SLC25A20: variants seen among roughly 807,000 people sequenced by gnomAD.
The protein encoded by SLC25A20 is solute carrier family 25 member 20, also known as mitochondrial carnitine/acylcarnitine carrier protein.
SLC25A20 carries 29 observed loss-of-function variants against 39.7 expected under a neutral mutation model. That is an observed-to-expected ratio of 0.73 (90% CI 0.54 to 1.00). The LOEUF (loss-of-function observed/expected upper bound fraction) is 1.00, where lower values mean the gene tolerates loss of function less well. Ranked by LOEUF, SLC25A20 falls within the 50% of genes least tolerant of loss-of-function variation. The probability of loss-of-function intolerance (pLI) is 0.00; values close to 1 mark genes in which losing one functional copy is unlikely to be tolerated. For synonymous variants in SLC25A20, 103 were observed against 142.2 expected (o/e 0.72, Z 1.96); for missense variants, 333 against 379.9 (o/e 0.88, Z 1.03).
In SLC25A20 at chr3:48,897,363, A is replaced by AT. The variant is rs1223040615; in HGVS notation, c.105+1326dup. Among the ~76,000 whole-genome samples, 171 of 108,144 alleles carry AT rather than the reference A, an allele frequency of 1.6e-3. 1 individual carries two copies. Among genetic ancestry groups the AT allele is most frequent in the Middle Eastern group, 4.7e-3 (1 of 212 alleles). The allele number at this position is 108,144 out of a possible 152,430, so 70.9% of individuals were successfully genotyped here. A position where few individuals can be genotyped will look rare whatever the true frequency, so the allele number is the denominator to read the frequency against. ...TGTGTGTGAATATATATATATATAT[A>AT]TATATTTTTTTTTTTTTTTTTTTTA... On this transcript the variant is annotated intron_variant, in intron 1 of 8. Transcript: ENST00000319017.
At chr3:48,866,751 C>G (rs1485219170) in intron 4 of SLC25A20, among the ~76,000 whole-genome samples, 1 of 151,012 alleles carries the variant, frequency 6.6e-6, no homozygotes, top group Non-Finnish European at 1.5e-5. Context: ...CCACCTCAGA[C>G]TCCTGAATAG....
chr3:48,865,180 T>C (rs1329995179), intron 4 of SLC25A20, among the ~76,000 whole-genome samples: 2 of 151,120 alleles, frequency 1.3e-5, no homozygotes, highest in South Asian at 2.1e-4. Context: ...CAGGCTGGGG[T>C]GCAGTAGTGC....
In SLC25A20 at chr3:48,857,678, C is replaced by A; in HGVS notation, c.*32G>T. 6.2e-7 allele frequency: 1 copy of A among 1,606,284 alleles called. No homozygotes were observed. Among genetic ancestry groups the A allele is most frequent in the Non-Finnish European group, 8.5e-7 (1 of 1,173,534 alleles). ...CCTTCTCCTCAACGACAGCTTCCAGCATCCAGAAGTGAACTTGAGCAGCCT... is the reference window on the plus strand; with the variant it reads ...CCTTCTCCTCAACGACAGCTTCCAGAATCCAGAAGTGAACTTGAGCAGCCT... On this transcript the variant is annotated 3_prime_UTR_variant, in exon 9 of 9. Transcript: ENST00000319017.
At chr3:48,867,316 G>T (rs2083678655) in intron 4 of SLC25A20, among the ~76,000 whole-genome samples, 1 of 151,140 alleles carries the variant, frequency 6.6e-6, no homozygotes, top group Non-Finnish European at 1.5e-5. Context: ...CGAGATCTCG[G>T]TTCACCACAA....
chr3:48,895,797 T>C (rs761901045), intron 1 of SLC25A20: 5 of 456,426 alleles, frequency 1.1e-5, no homozygotes, highest in South Asian at 3.1e-5. Context: ...AGATCTCCCA[T>C]AGTCAGGCAT....
chr3:48,890,454 G>A (rs567427743), intron 2 of SLC25A20, among the ~76,000 whole-genome samples: 15 of 152,000 alleles, frequency 9.9e-5, no homozygotes, highest in African/African-American at 3.4e-4. Context: ...CTCCCAAAGT[G>A]CTGGGATTAC....
intron 4 of SLC25A20, among the ~76,000 whole-genome samples, chr3:48,876,983 C>T (rs892042604): frequency 1.3e-5 from 2 of 151,966 alleles, no homozygotes; most frequent in African/African-American, 4.8e-5. Context: ...GTAGTCCCAC[C>T]TACTAGGGAG....
At chr3:48,867,721 C>T (rs952226347) in intron 4 of SLC25A20, among the ~76,000 whole-genome samples, 1 of 150,606 alleles carries the variant, frequency 6.6e-6, no homozygotes. Flanking sequence ...ATCCAGTGCA[C>T]AAAGAGGCCT....
intron 4 of SLC25A20, among the ~76,000 whole-genome samples, chr3:48,873,393 G>A (rs1488481967): frequency 2.0e-5 from 3 of 151,444 alleles, no homozygotes; most frequent in Non-Finnish European, 2.9e-5. Flanking sequence ...GGGGGATCAC[G>A]AGGTCAGGAG....
chr3:48,892,382 C>T (rs2083883792), intron 1 of SLC25A20, among the ~76,000 whole-genome samples: 2 of 152,052 alleles, frequency 1.3e-5, no homozygotes, highest in Admixed American at 6.6e-5. Context: ...CATTTGTGTA[C>T]AAGTTTTTTG....
intron 7 of SLC25A20, 33 bp from the exon 8 acceptor site, chr3:48,858,664 G>A (rs772678441): frequency 6.2e-7 from 1 of 1,614,006 alleles, no homozygotes; most frequent in South Asian, 1.1e-5. Flanking sequence ...TAAGGCTTCA[G>A]GAAGGAGAAA....
intron 4 of SLC25A20, among the ~76,000 whole-genome samples, chr3:48,870,607 G>A (rs1195288399): frequency 2.4e-5 from 3 of 124,326 alleles, no homozygotes; most frequent in African/African-American, 9.3e-5. Context: ...GTCATCTCCT[G>A]GGTTCAAGCT....
In SLC25A20 at chr3:48,879,440, T is replaced by C. The variant is rs201608596; in HGVS notation, c.335A>G (p.Gln112Arg). The part of the protein sequence containing the change: ...KHPEDVLSYP[Q>R]LFAAGMLSGV... ...AGATAACATCCCAGCTGCAAAAAGC[T>C]GGGGATAGCTGCATTGAAAACAAAA... The change falls in exon 4 of 9, where the codon CAG becomes CGG. Residue 112 changes from glutamine (Q) to arginine (R), a missense_variant. Physicochemically the swap from Gln to Arg is conservative, Grantham distance 43. Transcript: ENST00000319017. The C allele has an allele frequency of 4.3e-6, 7 of 1,613,236 alleles. No individual in the cohort carries two copies. The highest frequency in any genetic ancestry group is 5.1e-6 in the Non-Finnish European group (6 of 1,179,402).
At chr3:48,863,007 C>T (rs1452699816) in intron 4 of SLC25A20, among the ~76,000 whole-genome samples, 1 of 152,156 alleles carries the variant, frequency 6.6e-6, no homozygotes, top group Non-Finnish European at 1.5e-5. Flanking sequence ...GCCTGGTCAA[C>T]ACGGTGAAAC....
In SLC25A20 at chr3:48,857,765, A is replaced by C. The variant is rs1390475606; in HGVS notation, c.851T>G (p.Phe284Cys). Residue 284 changes from phenylalanine to cysteine, a missense_variant, in exon 9 of 9, where the codon TTC (phenylalanine) becomes TGC (cysteine). Phe to Cys is a radical substitution (Grantham distance 205). Transcript: ENST00000319017. ...IRAFPANAAC[F>C]LGFEVAMKFL... ...CTTCATGGCAACTTCAAAGCCAAGGAAACAGGCCTAAGAAGGGATTGGGAG... is the reference window on the plus strand; with the variant it reads ...CTTCATGGCAACTTCAAAGCCAAGGCAACAGGCCTAAGAAGGGATTGGGAG... 3.7e-6 allele frequency: 6 copies of C among 1,613,788 alleles called. No homozygotes were observed. Among genetic ancestry groups the C allele is most frequent in the Non-Finnish European group, 4.2e-6 (5 of 1,179,926 alleles).
intron 6 of SLC25A20, among the ~76,000 whole-genome samples, 170 bp downstream of exon 6, chr3:48,859,385 C>T (rs545867728): frequency 6.6e-6 from 1 of 152,294 alleles, no homozygotes; most frequent in East Asian, 1.9e-4. Flanking sequence ...AATATTTGCT[C>T]CACTGGCTGA....
chr3:48,891,062 T>C (rs2083872404), intron 2 of SLC25A20, among the ~76,000 whole-genome samples: 1 of 152,138 alleles, frequency 6.6e-6, no homozygotes, highest in Non-Finnish European at 1.5e-5. Context: ...TTTCTCTTTA[T>C]CTCTGTCTTG....
intron 1 of SLC25A20, chr3:48,895,832 G>A (rs1465207220): frequency 6.6e-6 from 3 of 456,374 alleles, no homozygotes; most frequent in Admixed American, 2.4e-5. Flanking sequence ...AGTAGAGAGA[G>A]AGAAATGGAT....
chr3:48,860,655 G>A (rs1264792677), intron 5 of SLC25A20, among the ~76,000 whole-genome samples: 1 of 151,416 alleles, frequency 6.6e-6, no homozygotes, highest in Non-Finnish European at 1.5e-5. Context: ...CGGCCTGGTG[G>A]CACATGCCTG....
Sources: allele counts gnomAD v4.1 joint callset (sites outside exome capture counted in the v4.1 genomes callset), GRCh38; gene constraint gnomAD v4.1.1; transcripts MANE v1.5; gene names NCBI Gene and HGNC (gene_info 2026-07-23, HGNC 2026-07-21).